The following NCKAP5 variants were observed in gnomAD, a reference collection of about 807,000 sequenced individuals.
The protein encoded by NCKAP5 is nck-associated protein 5.
In NCKAP5, 92 loss-of-function variants were observed where a neutral mutation model predicts 167.0. The ratio of observed to expected loss-of-function variants is 0.55; its 90% CI spans 0.47 to 0.66. The LOEUF (loss-of-function observed/expected upper bound fraction) is 0.66, where lower values mean the gene tolerates loss of function less well. NCKAP5 is among the 30% of genes least tolerant of loss of function. The probability of loss-of-function intolerance (pLI) is 0.00; values close to 1 mark genes in which losing one functional copy is unlikely to be tolerated. For missense variants in NCKAP5, 2,378 were observed against 2,315.0 expected (o/e 1.03, Z -0.56); for synonymous variants, 891 against 877.4 (o/e 1.02, Z -0.27).
intron 4 of NCKAP5, among the ~76,000 whole-genome samples, chr2:133,277,608 C>T (rs944490607): frequency 1.3e-5 from 2 of 151,928 alleles, no homozygotes; most frequent in Non-Finnish European, 2.9e-5. Context: ...TAACACGATA[C>T]CAATAAAAAT....
At chr2:132,941,505 A>T (rs281578) in intron 8 of NCKAP5, among the ~76,000 whole-genome samples, 125,869 of 152,156 alleles carry the variant, frequency 0.83, 52,590 homozygotes, top group African/African-American at 0.95. Flanking sequence ...CTGGGGCGGC[A>T]GAACTGGCAA....
At chr2:133,381,856 G>A (rs766485129) in intron 3 of NCKAP5, among the ~76,000 whole-genome samples, 4 of 152,148 alleles carry the variant, frequency 2.6e-5, no homozygotes, top group African/African-American at 4.8e-5. Context: ...ATGTAGTGGC[G>A]GACCATGCTC....
chr2:133,472,188 G>A (rs1368379259), intron 3 of NCKAP5, among the ~76,000 whole-genome samples: 3 of 151,946 alleles, frequency 2.0e-5, no homozygotes, highest in African/African-American at 7.3e-5. Context: ...CTAAAATTCT[G>A]CTTGTTTCCA....
chr2:133,458,438 ATG>A (rs1479370981), intron 3 of NCKAP5, among the ~76,000 whole-genome samples: 1 of 152,126 alleles, frequency 6.6e-6, no homozygotes, highest in East Asian at 1.9e-4. Context: ...TAGATGGTTC[ATG>A]TGTGCAGAGC....
At chr2:133,591,679 A>G in the NCKAP5 span, among the ~76,000 whole-genome samples, 1 of 152,184 alleles carries the variant, frequency 6.6e-6, no homozygotes, top group Admixed American at 6.5e-5. Flanking sequence ...CCTGGATCCC[A>G]CCTTAGAATG....
chr2:132,775,896 C>T (rs1004002333), intron 15 of NCKAP5, among the ~76,000 whole-genome samples: 1 of 152,170 alleles, frequency 6.6e-6, no homozygotes, highest in Non-Finnish European at 1.5e-5. Context: ...CAAATTTATA[C>T]ATTTTAAACT....
At chr2:132,680,336 A>G (rs1685058309) in intron 19 of NCKAP5, among the ~76,000 whole-genome samples, 1 of 152,166 alleles carries the variant, frequency 6.6e-6, no homozygotes, top group Admixed American at 6.5e-5. Context: ...GAGATTCTTC[A>G]GTATCCTCAG....
At chr2:133,592,903 A>G in the NCKAP5 span, among the ~76,000 whole-genome samples, 2 of 152,208 alleles carry the variant, frequency 1.3e-5, no homozygotes, top group African/African-American at 4.8e-5. Flanking sequence ...GATGGGGATT[A>G]ATCTGGGTTA....
chr2:133,656,765 T>C, the NCKAP5 span, among the ~76,000 whole-genome samples: 2 of 152,178 alleles, frequency 1.3e-5, no homozygotes, highest in African/African-American at 4.8e-5. Context: ...GAGGATTTTA[T>C]TTCATTATTA....
In NCKAP5 at chr2:132,718,092, G is replaced by A. The variant is rs16840466; in HGVS notation, c.5713+7535C>T. On this transcript the variant is annotated intron_variant, in intron 19 of 19. Coordinates refer to ENST00000409261, the MANE Select transcript of NCKAP5 (RefSeq NM_207363.3). The stretch of plus-strand genomic sequence containing the variant: ...GGGTACTGGATTACCTTCTCTCTCA[G>A]ACTTGTTTCAGTCTGTATGTCTGAT... Among the ~76,000 whole-genome samples the A allele has an allele frequency of 6.0e-3, 915 of 152,280 alleles. 13 individuals carry two copies. Among genetic ancestry groups the A allele is most frequent in the African/African-American group, 0.021 (887 of 41,556 alleles).
intron 6 of NCKAP5, among the ~76,000 whole-genome samples, chr2:133,026,801 C>T (rs2078713700): frequency 6.6e-6 from 1 of 152,168 alleles, no homozygotes; most frequent in African/African-American, 2.4e-5. Flanking sequence ...GACAAAGTTC[C>T]TATCACTGTG....
chr2:133,576,933 A>T, the NCKAP5 span, among the ~76,000 whole-genome samples: 1 of 151,974 alleles, frequency 6.6e-6, no homozygotes, highest in Non-Finnish European at 1.5e-5. Flanking sequence ...CCTGTAATAC[A>T]CTCCATACTT....
At chr2:133,472,429 A>G (rs900129410) in intron 3 of NCKAP5, among the ~76,000 whole-genome samples, 1 of 151,828 alleles carries the variant, frequency 6.6e-6, no homozygotes, top group Admixed American at 6.6e-5. Context: ...TCTTGGTGCA[A>G]TGGAGTTTTG....
chr2:133,658,812 C>CAGA, the NCKAP5 span, among the ~76,000 whole-genome samples: 1 of 152,116 alleles, frequency 6.6e-6, no homozygotes, highest in African/African-American at 2.4e-5. Flanking sequence ...CCTGCTGATT[C>CAGA]TCTGAGTCCT....
At chr2:133,368,284 A>G (rs1451507227) in intron 3 of NCKAP5, among the ~76,000 whole-genome samples, 1 of 152,224 alleles carries the variant, frequency 6.6e-6, no homozygotes, top group Non-Finnish European at 1.5e-5. Context: ...TCTATTAGAT[A>G]GATCCCTTAC....
intron 3 of NCKAP5, among the ~76,000 whole-genome samples, chr2:133,317,973 G>T (rs375090345): frequency 6.6e-6 from 1 of 152,186 alleles, no homozygotes; most frequent in East Asian, 1.9e-4. Flanking sequence ...TATTTTCACT[G>T]TGCAGCTCCT....
intron 5 of NCKAP5, among the ~76,000 whole-genome samples, chr2:133,201,065 A>C (rs71413547): frequency 6.6e-6 from 1 of 152,202 alleles, no homozygotes; most frequent in Non-Finnish European, 1.5e-5. Flanking sequence ...AATCATTACA[A>C]CAATATCCTA....
At chr2:132,694,931 A>C (rs1404501996) in intron 19 of NCKAP5, among the ~76,000 whole-genome samples, 1 of 152,144 alleles carries the variant, frequency 6.6e-6, no homozygotes, top group Non-Finnish European at 1.5e-5. Flanking sequence ...TATTTCCCAC[A>C]GTTCTGGAGG....
chr2:133,321,029 G>A lies in NCKAP5; in HGVS notation c.70-17919C>T, dbSNP rs113720259. On this transcript the variant is annotated intron_variant, in intron 3 of 19. Transcript: ENST00000409261. ...TGCTGCAGACTAGCCCTAACCCCAG[G>A]AGTCGTGTATGCTCATCTGCTATCC... Among the ~76,000 whole-genome samples, 121 of 152,276 alleles carry A rather than the reference G, an allele frequency of 7.9e-4. 1 individual carries two copies. The highest frequency in any genetic ancestry group is 2.9e-3 in the African/African-American group (119 of 41,548).
Sources: gnomAD v4.1 joint callset for allele counts (sites outside exome capture counted in the v4.1 genomes callset) on GRCh38, gnomAD v4.1.1 for gene constraint, MANE v1.5 for transcripts, NCBI Gene and HGNC (gene_info 2026-07-23, HGNC 2026-07-21) for gene names.